KIAA1671: variants seen among roughly 807,000 people sequenced by gnomAD.
The protein encoded by KIAA1671 is KIAA1671, also known as uncharacterized protein KIAA1671.
KIAA1671 carries 52 observed loss-of-function variants against 131.2 expected under a neutral mutation model. That is an observed-to-expected ratio of 0.40 (90% CI 0.32 to 0.50). KIAA1671 has a LOEUF of 0.50. Ranked by LOEUF, KIAA1671 falls within the 20% of genes least tolerant of loss-of-function variation. KIAA1671 has a pLI of 0.73. For missense variants in KIAA1671, 2,360 were observed against 2,364.2 expected (o/e 1.00, Z 0.04); for synonymous variants, 1,003 against 961.6 (o/e 1.04, Z -0.80).
intron 1 of KIAA1671, among the ~76,000 whole-genome samples, chr22:24,963,364 CAAAAA>C (rs766667437): frequency 2.1e-5 from 1 of 46,622 alleles, no homozygotes. Flanking sequence ...AACTCCATCT[CAAAAA>C]AAAAAAAAAA....
intron 7 of KIAA1671, among the ~76,000 whole-genome samples, chr22:25,173,521 G>T (rs1933919490): frequency 6.6e-6 from 1 of 152,174 alleles, no homozygotes; most frequent in South Asian, 2.1e-4. Context: ...GCACTGCCCA[G>T]CAGAAATACA....
intron 6 of KIAA1671, among the ~76,000 whole-genome samples, chr22:25,097,294 G>A (rs1033196331): frequency 6.6e-6 from 1 of 152,152 alleles, no homozygotes; most frequent in African/African-American, 2.4e-5. Context: ...CAATGGTGTT[G>A]TTTCATCAGT....
At chr22:25,016,567 CA>C (rs1925335305) in intron 1 of KIAA1671, among the ~76,000 whole-genome samples, 1 of 152,138 alleles carries the variant, frequency 6.6e-6, no homozygotes, top group Non-Finnish European at 1.5e-5. Context: ...GCCGTCACTG[CA>C]GGTTCGTAGA....
intron 1 of KIAA1671, among the ~76,000 whole-genome samples, chr22:24,964,372 A>G (rs916441463): frequency 6.6e-6 from 1 of 151,866 alleles, no homozygotes; most frequent in Non-Finnish European, 1.5e-5. Context: ...CAAAAATAAC[A>G]AGTGAGTATT....
intron 6 of KIAA1671, among the ~76,000 whole-genome samples, chr22:25,113,406 C>T (rs1398074835): frequency 6.6e-6 from 1 of 152,224 alleles, no homozygotes; most frequent in Non-Finnish European, 1.5e-5. Context: ...ACTGTGTTGG[C>T]CCAGTTTATG....
chr22:25,072,859 AGGAATAATTGCAGAGAGCCAGGTGGAG>A (rs1928903369), intron 6 of KIAA1671, among the ~76,000 whole-genome samples: 1 of 152,278 alleles, frequency 6.6e-6, no homozygotes, highest in South Asian at 2.1e-4. Context: ...CCAGCTAACC[AGGAATAATTGCAGAGAGCCAGGTGGAG>A]GTGCTCGCTC....
intron 6 of KIAA1671, among the ~76,000 whole-genome samples, chr22:25,077,320 AG>A (rs57212181): frequency 0.069 from 10,477 of 152,228 alleles, 1,165 homozygotes; most frequent in African/African-American, 0.24. Flanking sequence ...AACTGTGCTG[AG>A]GATTAGCTAA....
chr22:24,954,785 T>C (rs1173390474), intron 1 of KIAA1671, among the ~76,000 whole-genome samples: 1 of 152,104 alleles, frequency 6.6e-6, no homozygotes, highest in Non-Finnish European at 1.5e-5. Flanking sequence ...TTGTTTTGTT[T>C]TATTTTGTTT....
chr22:25,028,022 G>A lies in KIAA1671; in HGVS notation c.23G>A (p.Gly8Asp). Reference sequence around the variant, plus strand: ...ACCATGGCCACGCGGGTCGAGGTGGGCTCCATAACGCCCTTGACGGCCGTG... The same window carrying A: ...ACCATGGCCACGCGGGTCGAGGTGGACTCCATAACGCCCTTGACGGCCGTG... The part of the protein sequence containing the change: MATRVEV[G>D]SITPLTAVPG... Residue 8 changes from glycine (G) to aspartate (D), a missense_variant, in exon 3 of 13, where the codon GGC becomes GAC. By Grantham distance (94) the Gly-to-Asp change is moderately conservative. Transcript: ENST00000358431. 1 of 1,505,378 alleles carries A rather than the reference G, an allele frequency of 6.6e-7. No individual in the cohort carries two copies. The highest frequency in any genetic ancestry group is 1.3e-5 in the South Asian group (1 of 78,470). 93.3% of individuals were successfully genotyped at this position (1,505,378 alleles called of 1,614,324 possible). A position where few individuals can be genotyped will look rare whatever the true frequency, so the allele number is the denominator to read the frequency against.
chr22:24,997,028 C>T (rs978090042), intron 1 of KIAA1671, among the ~76,000 whole-genome samples: 1 of 152,156 alleles, frequency 6.6e-6, no homozygotes, highest in African/African-American at 2.4e-5. Flanking sequence ...ACTGTGGGCT[C>T]CATCCCATTC....
chr22:25,004,538 C>T (rs1306705837), intron 1 of KIAA1671, among the ~76,000 whole-genome samples: 1 of 152,130 alleles, frequency 6.6e-6, no homozygotes, highest in East Asian at 1.9e-4. Flanking sequence ...AGTCTCTCTC[C>T]CATCCTTGTC....
rs73407438 is a variant in KIAA1671, at chr22:25,172,592, A to C, written c.4650-1648A>C. On this transcript the variant is annotated intron_variant, in intron 7 of 12. Coordinates refer to ENST00000358431, the MANE Select transcript of KIAA1671 (RefSeq NM_001145206.2). ...GTAGGCCCACTTGTCAGGTGTGCCC[A>C]CCTGTCCTTTCTCAAGGCGAGGGTT... is the stretch of plus-strand genomic sequence containing the variant. Among the ~76,000 whole-genome samples, 187 of 152,224 alleles carry C rather than the reference A, an allele frequency of 1.2e-3. 1 individual carries two copies. Among genetic ancestry groups the C allele is most frequent in the African/African-American group, 4.4e-3 (182 of 41,546 alleles).
intron 6 of KIAA1671, among the ~76,000 whole-genome samples, chr22:25,145,674 C>T (rs564283990): frequency 7.2e-5 from 11 of 152,328 alleles, no homozygotes; most frequent in Non-Finnish European, 1.2e-4. Flanking sequence ...CACAATGGCT[C>T]ACGCCTGTAA....
chr22:25,005,428 A>C (rs1165574193), intron 1 of KIAA1671, among the ~76,000 whole-genome samples: 2 of 151,686 alleles, frequency 1.3e-5, no homozygotes, highest in Non-Finnish European at 2.9e-5. Context: ...GGAGATAGAG[A>C]TTTTCCTAGT....
chr22:25,102,768 C>G (rs953690807), intron 6 of KIAA1671: 1 of 152,492 alleles, frequency 6.6e-6, no homozygotes, highest in Non-Finnish European at 1.5e-5. Flanking sequence ...TATGTGCCAG[C>G]GGCACAAATT....
At chr22:24,968,561 C>G (rs1191669992) in intron 1 of KIAA1671, among the ~76,000 whole-genome samples, 1 of 152,198 alleles carries the variant, frequency 6.6e-6, no homozygotes, top group African/African-American at 2.4e-5. Context: ...TGATCTCTGT[C>G]TTTCAGCCTG....
intron 9 of KIAA1671, 94 bp from the exon 10 acceptor site, chr22:25,181,605 C>T: frequency 6.9e-7 from 1 of 1,445,050 alleles, no homozygotes; most frequent in Non-Finnish European, 9.4e-7. Flanking sequence ...CTGATGTGAG[C>T]ATTGCATGAG....
chr22:24,982,236 A>G (rs1163548170), intron 1 of KIAA1671, among the ~76,000 whole-genome samples: 1 of 152,234 alleles, frequency 6.6e-6, no homozygotes, highest in Non-Finnish European at 1.5e-5. Flanking sequence ...TTATAAGTAG[A>G]TTACTTAAGA....
At chr22:25,179,188 T>G (rs1360454124) in intron 9 of KIAA1671, 36 of 1,031,176 alleles carry the variant, frequency 3.5e-5, no homozygotes, top group Non-Finnish European at 4.9e-5. Context: ...AAGAGAAGCA[T>G]GAAGCTGGGG....
Sources: allele counts gnomAD v4.1 joint callset (sites outside exome capture counted in the v4.1 genomes callset), GRCh38; gene constraint gnomAD v4.1.1; transcripts MANE v1.5; gene names NCBI Gene and HGNC (gene_info 2026-07-23, HGNC 2026-07-21).